The following RBFOX3 variants were observed in gnomAD, a reference collection of about 807,000 sequenced individuals.
RBFOX3 encodes the protein RNA binding protein fox-1 homolog 3.
A neutral mutation model predicts 48.7 loss-of-function variants in RBFOX3; 17 were observed. That is an observed-to-expected ratio of 0.35 (90% CI 0.24 to 0.52). The LOEUF is 0.52. Ranked by LOEUF, RBFOX3 falls within the 20% of genes least tolerant of loss-of-function variation. The probability of loss-of-function intolerance (pLI) is 0.94; values close to 1 mark genes in which losing one functional copy is unlikely to be tolerated. For missense variants in RBFOX3, 382 were observed against 497.5 expected (o/e 0.77, Z 2.21); for synonymous variants, 212 against 209.5 (o/e 1.01, Z -0.10).
chr17:79,238,567 G>A lies in RBFOX3; in HGVS notation c.-73-2762C>T, dbSNP rs572431118. ...TCCTCCCAGCACAGTAACTCCTTTC[G>A]GCTCTGGAATTCCCAGTCTTTAGGC... On this transcript the variant is annotated intron_variant, in intron 3 of 14. Transcript: ENST00000693108. Among the ~76,000 whole-genome samples, 9 of 152,278 alleles carry A rather than the reference G, an allele frequency of 5.9e-5. No homozygotes were observed. In the South Asian group the frequency reaches 8.3e-4, roughly 14 times the overall value.
intron 2 of RBFOX3, among the ~76,000 whole-genome samples, chr17:79,343,453 G>T (rs757981948): frequency 1.3e-5 from 2 of 152,100 alleles, no homozygotes; most frequent in Non-Finnish European, 2.9e-5. Flanking sequence ...GGAGATCGAG[G>T]TTGCAGTGAG....
upstream of RBFOX3, among the ~76,000 whole-genome samples, chr17:79,613,459 G>C (rs2093982618): frequency 6.6e-6 from 1 of 152,248 alleles, no homozygotes; most frequent in Non-Finnish European, 1.5e-5. Context: ...CTAACCGGGA[G>C]ATTTTCCATT....
At chr17:79,281,546 C>T (rs1182738439) in intron 3 of RBFOX3, among the ~76,000 whole-genome samples, 2 of 152,132 alleles carry the variant, frequency 1.3e-5, no homozygotes, top group Admixed American at 6.5e-5. Context: ...TATCTAGGTG[C>T]CTTGGGTCTG....
chr17:79,158,688 G>A (rs2046334770), intron 4 of RBFOX3, among the ~76,000 whole-genome samples: 4 of 152,200 alleles, frequency 2.6e-5, no homozygotes, highest in African/African-American at 9.7e-5. Context: ...CTGTTTTCTG[G>A]GAGGAGAAAT....
intron 4 of RBFOX3, among the ~76,000 whole-genome samples, chr17:79,116,544 T>C (rs565950189): frequency 7.3e-4 from 111 of 152,218 alleles, no homozygotes; most frequent in Admixed American, 1.2e-3. Flanking sequence ...AGTTTTGTCA[T>C]TGGAAAGCAG....
intron 4 of RBFOX3, among the ~76,000 whole-genome samples, chr17:79,187,000 C>A (rs113784916): frequency 7.0e-4 from 106 of 152,334 alleles, no homozygotes; most frequent in African/African-American, 2.4e-3. Flanking sequence ...CGTAACCTTG[C>A]CAGATGCCCT....
chr17:79,276,003 A>G (rs919029034), intron 3 of RBFOX3, among the ~76,000 whole-genome samples: 1 of 152,204 alleles, frequency 6.6e-6, no homozygotes, highest in Non-Finnish European at 1.5e-5. Context: ...TGATCCACAC[A>G]CTGCAGTCCA....
At position 79,103,377 on chromosome 17, in the gene RBFOX3, G is replaced by A. The variant is rs2076799917; in HGVS notation, c.415-123C>T. 3 of 699,876 alleles carry A rather than the reference G, an allele frequency of 4.3e-6. No homozygotes were observed. In the South Asian group the frequency reaches 5.1e-5, roughly 12 times the overall value. The allele number at this position is 699,876 out of a possible 1,614,324, so 43.4% of individuals were successfully genotyped here. A position where few individuals can be genotyped will look rare whatever the true frequency, so the allele number is the denominator to read the frequency against. ...GGGAGTGGGGAGAGAGAGAGAAGGG[G>A]TTGAGTCAGGTGAGTTGAGGCAGAG... On this transcript the variant is annotated intron_variant, in intron 7 of 14. Coordinates refer to ENST00000693108, the MANE Select transcript of RBFOX3 (RefSeq NM_001350451.2). The surrounding 1 kb of genome is among the most constrained non-coding windows in gnomAD (Gnocchi z 6.1).
chr17:79,622,281 G>A, the RBFOX3 span, among the ~76,000 whole-genome samples: 5 of 152,162 alleles, frequency 3.3e-5, no homozygotes, highest in African/African-American at 9.7e-5. Flanking sequence ...TGGCAGGACC[G>A]AGCCCCCTCC....
chr17:79,388,769 G>A (rs1167111415), intron 2 of RBFOX3, among the ~76,000 whole-genome samples: 5 of 152,138 alleles, frequency 3.3e-5, no homozygotes, highest in African/African-American at 7.2e-5. Context: ...CACATGCCCC[G>A]GTGCTGCCGG....
At chr17:79,486,699 G>T (rs1387948454) in intron 1 of RBFOX3, among the ~76,000 whole-genome samples, 4 of 152,174 alleles carry the variant, frequency 2.6e-5, no homozygotes, top group Non-Finnish European at 4.4e-5. Context: ...GCTATGGGTG[G>T]CAGGGCCCCC....
intron 8 of RBFOX3, 121 bp from the exon 9 acceptor site, chr17:79,101,765 T>C (rs2076483708): frequency 5.9e-6 from 5 of 854,066 alleles, no homozygotes; most frequent in African/African-American, 1.7e-5. Flanking sequence ...GCCTCCTCTC[T>C]CCACCATGCT....
rs558722628 is a variant in RBFOX3 at position 79,176,148 on chromosome 17, G to A, written c.-34+59618C>T. 1.1e-3 allele frequency among the ~76,000 whole-genome samples: 171 copies of A among 152,284 alleles called. 1 individual carries two copies. Among genetic ancestry groups the A allele is most frequent in the African/African-American group, 2.9e-3 (121 of 41,558 alleles). On this transcript the variant is annotated intron_variant, in intron 4 of 14. Coordinates refer to ENST00000693108, the MANE Select transcript of RBFOX3 (RefSeq NM_001350451.2). ...AAGGGGGTCCTCTGGAGACGGTGAC[G>A]CCCCACCTCTTTGCCTTCTCCTCTT... is the stretch of plus-strand genomic sequence containing the variant.
chr17:79,634,357 C>T, the RBFOX3 span, among the ~76,000 whole-genome samples: 1 of 152,218 alleles, frequency 6.6e-6, no homozygotes, highest in East Asian at 1.9e-4. Context: ...CCACCCACAC[C>T]CTCTATTCCA....
At chr17:79,539,846 T>C (rs774559224) in intron 1 of RBFOX3, among the ~76,000 whole-genome samples, 2 of 152,222 alleles carry the variant, frequency 1.3e-5, no homozygotes, top group South Asian at 4.1e-4. Flanking sequence ...AATAAGAACA[T>C]GGCGCATGGT....
At chr17:79,624,787 T>A in the RBFOX3 span, among the ~76,000 whole-genome samples, 1 of 151,970 alleles carries the variant, frequency 6.6e-6, no homozygotes, top group South Asian at 2.1e-4. Flanking sequence ...CTCCCACCTC[T>A]GAACTCACCC....
intron 4 of RBFOX3, among the ~76,000 whole-genome samples, chr17:79,233,008 A>G (rs764483710): frequency 3.9e-4 from 60 of 152,206 alleles, no homozygotes; most frequent in Non-Finnish European, 8.5e-4. Context: ...ATTTCACCCA[A>G]GAGAAAACAA....
upstream of RBFOX3, among the ~76,000 whole-genome samples, chr17:79,611,169 T>TCTCTCTCTCTCTCTCTCGCTCGCTCTCG: frequency 3.9e-5 from 1 of 25,908 alleles, no homozygotes; most frequent in Non-Finnish European, 8.1e-5. Context: ...TCTCTCTCTC[T>TCTCTCTCTCTCTCTCTCGCTCGCTCTCG]CTCTCCGCCC....
intron 2 of RBFOX3, among the ~76,000 whole-genome samples, chr17:79,353,905 C>T (rs558135224): frequency 1.3e-5 from 2 of 152,342 alleles, no homozygotes; most frequent in Non-Finnish European, 2.9e-5. Flanking sequence ...CCCACCCCCG[C>T]GTTACCCACT....
Sources: gnomAD v4.1 joint callset for allele counts (sites outside exome capture counted in the v4.1 genomes callset) on GRCh38, gnomAD v4.1.1 for gene constraint, Gnocchi (gnomAD v3.1) non-coding constraint, MANE v1.5 for transcripts, NCBI Gene and HGNC (gene_info 2026-07-23, HGNC 2026-07-21) for gene names.